Variants in BUD31 observed in about 807,000 individuals in gnomAD.
BUD31 encodes BUD31 spliceosome associated protein.
BUD31 carries 9 observed loss-of-function variants against 17.9 expected under a neutral mutation model. The ratio of observed to expected loss-of-function variants is 0.50; its 90% CI spans 0.30 to 0.88. The LOEUF is 0.88. Among genes scored for constraint, BUD31 ranks in the 40% least tolerant of loss-of-function variants. The pLI is 0.06. For synonymous variants in BUD31, 70 were observed against 64.7 expected (o/e 1.08, Z -0.39); for missense variants, 148 against 184.5 (o/e 0.80, Z 1.15).
intron 3 of BUD31, among the ~76,000 whole-genome samples, chr7:99,413,896 C>G (rs1186651215): frequency 6.6e-6 from 1 of 152,102 alleles, no homozygotes; most frequent in Non-Finnish European, 1.5e-5. Flanking sequence ...CCAGCCGGGA[C>G]CAACCTTTTA....
chr7:99,416,021 A>G lies in BUD31; in HGVS notation c.95-117A>G, dbSNP rs186625006. On this transcript the variant is annotated intron_variant, in intron 3 of 5. Coordinates refer to ENST00000222969, the MANE Select transcript of BUD31 (RefSeq NM_003910.4). ...TCGGCACCTGGGTGGCTTGCCACCC[A>G]CAGCCATCCTAGTGGGTATAAAGTG... 2,801 of 1,438,224 alleles carry G rather than the reference A, an allele frequency of 1.9e-3. 13 individuals are homozygous for G. The highest frequency in any genetic ancestry group is 1.7e-3 in the Non-Finnish European group (1,866 of 1,074,450). The allele number at this position is 1,438,224 out of a possible 1,614,324, so 89.1% of individuals were successfully genotyped here.
chr7:99,418,018 A>G, intron 5 of BUD31: 1 of 1,148,728 alleles, frequency 8.7e-7, no homozygotes, highest in South Asian at 1.8e-5. Flanking sequence ...CCCAGGCTGG[A>G]GTGCAGTGAT....
intron 4 of BUD31, chr7:99,416,717 CTT>C (rs59301509): frequency 1.6e-3 from 157 of 98,892 alleles, no homozygotes; most frequent in South Asian, 5.8e-3. Flanking sequence ...CCGCTCTTGG[CTT>C]TTTTTTTTTT....
At chr7:99,411,328 G>T in intron 3 of BUD31, 142 bp downstream of exon 3, 1 of 616,014 alleles carries the variant, frequency 1.6e-6, no homozygotes, top group East Asian at 3.0e-5. Context: ...TGAACTTGGG[G>T]AAATACTGTA....
chr7:99,418,192 C>G (rs1423050939), intron 5 of BUD31: 1 of 184,578 alleles, frequency 5.4e-6, no homozygotes, highest in East Asian at 1.8e-4. Flanking sequence ...GTCTCGAACT[C>G]CCGACCTCAG....
intron 5 of BUD31, 113 bp downstream of exon 5, chr7:99,417,708 T>C: frequency 1.9e-6 from 3 of 1,544,886 alleles, no homozygotes; most frequent in South Asian, 2.4e-5. Flanking sequence ...TGTCCCTGGA[T>C]GTCCTGCTGG....
intron 5 of BUD31, chr7:99,417,980 C>G (rs1182409466): frequency 8.5e-7 from 1 of 1,176,198 alleles, no homozygotes; most frequent in Admixed American, 4.2e-5. Flanking sequence ...TCTTTCCCGC[C>G]CCCCCAAGAC....
At chr7:99,416,412 GTGTTTGTTTTT>G (rs1405393468) in intron 4 of BUD31, 152 bp downstream of exon 4, 2 of 986,460 alleles carry the variant, frequency 2.0e-6, no homozygotes, top group East Asian at 2.7e-5. Flanking sequence ...TTTTGTGTGT[GTGTTTGTTTTT>G]TGTTTGTTTG....
Position 99,416,274 on chromosome 7 carries a change from C to G in BUD31, c.217+14C>G, listed in dbSNP as rs747616274. ...CCATCAGCAGAGGTAATTAGTCAGT[C>G]TCTCTTGGACTTTGAAGCTCGCGTC... On this transcript the variant is annotated intron_variant, in intron 4 of 5. Coordinates refer to ENST00000222969, the MANE Select transcript of BUD31 (RefSeq NM_003910.4). 1 of 1,607,190 alleles carries G rather than the reference C, an allele frequency of 6.2e-7. No homozygotes were observed. Among genetic ancestry groups the G allele is most frequent in the South Asian group, 1.1e-5 (1 of 90,820 alleles).
chr7:99,416,132 C>G lies in BUD31; in HGVS notation c.95-6C>G. 1 of 1,613,028 alleles carries G rather than the reference C, an allele frequency of 6.2e-7. No homozygotes were observed. The highest frequency in any genetic ancestry group is 8.5e-7 in the Non-Finnish European group (1 of 1,179,252). ...TCCCCCAAACACACTCTTTGTTTCT[C>G]CCCAGCTGAAACAGAACCGCATGAG... On this transcript the variant is annotated splice_region_variant and splice_polypyrimidine_tract_variant and intron_variant, in intron 3 of 5. Coordinates refer to ENST00000222969, the MANE Select transcript of BUD31 (RefSeq NM_003910.4).
At chr7:99,411,003 A>G in intron 2 of BUD31, 61 bp from the exon 3 acceptor site, 1 of 1,127,456 alleles carries the variant, frequency 8.9e-7, no homozygotes, top group Non-Finnish European at 1.3e-6. Context: ...TACCGAAATA[A>G]TGGCTGGCAA....
intron 5 of BUD31, 119 bp downstream of exon 5, chr7:99,417,714 G>A (rs1196918991): frequency 3.9e-6 from 6 of 1,542,106 alleles, no homozygotes; most frequent in Non-Finnish European, 5.2e-6. Context: ...TGGATGTCCT[G>A]CTGGCTCTCC....
At chr7:99,415,315 C>G in intron 3 of BUD31, 1 of 453,250 alleles carries the variant, frequency 2.2e-6, no homozygotes, top group Non-Finnish European at 4.4e-6. Context: ...CCCTTGCCTG[C>G]CTGGCACCAA....
rs1273448390 is a variant in BUD31, at chr7:99,416,022, CA to C, written c.95-115del. 8 of 1,441,084 alleles carry C rather than the reference CA, an allele frequency of 5.6e-6. No individual in the cohort carries two copies. In the African/African-American group the frequency reaches 1.1e-4, roughly 20 times the overall value. The allele number at this position is 1,441,084 out of a possible 1,614,324, so 89.3% of individuals were successfully genotyped here. ...CGGCACCTGGGTGGCTTGCCACCCA[CA>C]GCCATCCTAGTGGGTATAAAGTGGT... On this transcript the variant is annotated intron_variant, in intron 3 of 5. Coordinates refer to ENST00000222969, the MANE Select transcript of BUD31 (RefSeq NM_003910.4).
At position 99,417,606 on chromosome 7, in the gene BUD31, A is replaced by G; in HGVS notation, c.384+11A>G. 3 of 1,610,076 alleles carry G rather than the reference A, an allele frequency of 1.9e-6. No individual in the cohort carries two copies. Among genetic ancestry groups the G allele is most frequent in the Non-Finnish European group, 1.7e-6 (2 of 1,179,972 alleles). ...AGCAAGCTGGAAGTGGTAATGTCTG[A>G]CACTCAAGCTTGGTGTTGTTTTCAG... On this transcript the variant is annotated intron_variant, in intron 5 of 5. Transcript: ENST00000222969.
At chr7:99,415,586 A>G (rs899537230) in intron 3 of BUD31, among the ~76,000 whole-genome samples, 3 of 152,068 alleles carry the variant, frequency 2.0e-5, no homozygotes, top group Non-Finnish European at 2.9e-5. Context: ...CCCCCGGGGA[A>G]AGGGAGATTC....
chr7:99,410,418 T>G (rs1329351640), intron 2 of BUD31, among the ~76,000 whole-genome samples: 4 of 150,176 alleles, frequency 2.7e-5, no homozygotes, highest in African/African-American at 9.8e-5. Context: ...TTGGTAGAGA[T>G]AGGGTTTCAC....
intron 3 of BUD31, among the ~76,000 whole-genome samples, chr7:99,412,399 C>T (rs1795226432): frequency 6.6e-6 from 1 of 152,114 alleles, no homozygotes; most frequent in African/African-American, 2.4e-5. Flanking sequence ...TATTCTTTAC[C>T]TCCAGACAGA....
At chr7:99,415,529 T>C (rs1159218872) in intron 3 of BUD31, among the ~76,000 whole-genome samples, 3 of 152,102 alleles carry the variant, frequency 2.0e-5, no homozygotes, top group Non-Finnish European at 2.9e-5. Flanking sequence ...GCCTGACTGA[T>C]GTCAGGCCCT....
Sources: allele counts gnomAD v4.1 joint callset (sites outside exome capture counted in the v4.1 genomes callset), GRCh38; gene constraint gnomAD v4.1.1; transcripts MANE v1.5; gene names NCBI Gene and HGNC (gene_info 2026-07-23, HGNC 2026-07-21).